SHB: variants seen among roughly 807,000 people sequenced by gnomAD.
SHB encodes the protein SH2 domain-containing adapter protein B.
A neutral mutation model predicts 52.3 loss-of-function variants in SHB; 20 were observed. The ratio of observed to expected loss-of-function variants is 0.38; its 90% CI spans 0.27 to 0.56. The LOEUF is 0.56. Among genes scored for constraint, SHB ranks in the 20% least tolerant of loss-of-function variants. The pLI is 0.71. For synonymous variants in SHB, 397 were observed against 316.5 expected (o/e 1.25, Z -2.70); for missense variants, 825 against 723.3 (o/e 1.14, Z -1.61).
At chr9:38,003,629 G>A (rs1360331943) in intron 2 of SHB, among the ~76,000 whole-genome samples, 1 of 152,150 alleles carries the variant, frequency 6.6e-6, no homozygotes, top group Non-Finnish European at 1.5e-5. Flanking sequence ...ACCCTCCAGA[G>A]CTTCACCCTG....
intron 1 of SHB, among the ~76,000 whole-genome samples, chr9:38,037,855 G>T (rs3763638): frequency 0.48 from 73,300 of 151,916 alleles, 17,776 homozygotes; most frequent in Middle Eastern, 0.57. Flanking sequence ...CTCATTGGGG[G>T]ATAGCCACAG....
chr9:37,961,313 G>A (rs1832689873), intron 3 of SHB, among the ~76,000 whole-genome samples: 1 of 152,194 alleles, frequency 6.6e-6, no homozygotes, highest in Non-Finnish European at 1.5e-5. Flanking sequence ...GAAGTTTCAT[G>A]TGGAGAAGGT....
chr9:38,053,417 T>C (rs1343510201), intron 1 of SHB, among the ~76,000 whole-genome samples: 1 of 152,056 alleles, frequency 6.6e-6, no homozygotes, highest in Admixed American at 6.5e-5. Flanking sequence ...TTTTGTATTT[T>C]CAGTAGAGAT....
chr9:37,972,842 T>C (rs1820607487), intron 3 of SHB, among the ~76,000 whole-genome samples: 1 of 152,176 alleles, frequency 6.6e-6, no homozygotes, highest in African/African-American at 2.4e-5. Flanking sequence ...GGCCTCACTG[T>C]TCGGGGTTAG....
At chr9:38,004,862 T>C (rs56884355) in intron 2 of SHB, among the ~76,000 whole-genome samples, 65,563 of 152,142 alleles carry the variant, frequency 0.43, 14,494 homozygotes, top group Middle Eastern at 0.5. Flanking sequence ...CACTGCCCCA[T>C]TGGCCAGGGC....
chr9:37,944,239 T>A (rs1030757865), intron 5 of SHB, among the ~76,000 whole-genome samples: 3 of 152,066 alleles, frequency 2.0e-5, no homozygotes, highest in African/African-American at 7.2e-5. Context: ...GGCGCCACTG[T>A]GGGTCACTGC....
intron 5 of SHB, among the ~76,000 whole-genome samples, chr9:37,929,782 A>AC (rs1832292729): frequency 2.6e-5 from 4 of 152,220 alleles, no homozygotes; most frequent in Admixed American, 2.0e-4. Flanking sequence ...TCTCTAAGGC[A>AC]CACTGTTGCA....
In SHB at chr9:37,939,283, G is replaced by A. The variant is rs543378083; in HGVS notation, c.1346+9352C>T. Among the ~76,000 whole-genome samples, 14 of 152,332 alleles carry A rather than the reference G, an allele frequency of 9.2e-5. 2 individuals carry two copies. The highest frequency in any genetic ancestry group is 9.2e-4 in the Admixed American group (14 of 15,292). Reference sequence around the variant, plus strand: ...ACTTCTAAGCTTAGCTGGAGCAAATGGCTGAGAAGGGTCAGGAAAGAACAG... The same window carrying A: ...ACTTCTAAGCTTAGCTGGAGCAAATAGCTGAGAAGGGTCAGGAAAGAACAG... On this transcript the variant is annotated intron_variant, in intron 5 of 5. Coordinates refer to ENST00000377707, the MANE Select transcript of SHB (RefSeq NM_003028.3).
At chr9:37,920,979 C>A (rs1832173622) in intron 5 of SHB, among the ~76,000 whole-genome samples, 1 of 152,084 alleles carries the variant, frequency 6.6e-6, no homozygotes, top group African/African-American at 2.4e-5. Flanking sequence ...AAGCCACAGT[C>A]CTCCCACCAG....
intron 4 of SHB, 35 bp downstream of exon 4, chr9:37,955,848 G>A (rs1832624256): frequency 6.3e-7 from 1 of 1,594,800 alleles, no homozygotes; most frequent in South Asian, 1.1e-5. Flanking sequence ...AGGTGAACTG[G>A]GAGGTGAGGT....
intron 2 of SHB, among the ~76,000 whole-genome samples, chr9:38,007,376 C>T (rs1434547572): frequency 6.6e-6 from 1 of 152,212 alleles, no homozygotes; most frequent in African/African-American, 2.4e-5. Context: ...CCTTCCTTCA[C>T]GGAGCTCTCG....
At chr9:38,067,835 A>T (rs1384273807) in intron 1 of SHB, 94 bp downstream of exon 1, 1 of 1,295,562 alleles carries the variant, frequency 7.7e-7, no homozygotes, top group Non-Finnish European at 1.0e-6. Context: ...GCCGAAGCTG[A>T]AGTAGAGACT....
intron 2 of SHB, among the ~76,000 whole-genome samples, chr9:38,004,143 A>G (rs1277830313): frequency 6.6e-6 from 1 of 152,078 alleles, no homozygotes; most frequent in Non-Finnish European, 1.5e-5. Flanking sequence ...CAGGTTTCTT[A>G]CTGGAAAATG....
rs1385454574 is a variant in SHB, at chr9:38,015,540, G to A, written c.838+471C>T. On this transcript the variant is annotated intron_variant, in intron 2 of 5. Coordinates refer to ENST00000377707, the MANE Select transcript of SHB (RefSeq NM_003028.3). ...CAGCTCCAAAACAAAGATTTCTCGG[G>A]ATGCGGCCAGAAATAATTTTGTCTC... 4 of 693,988 alleles carry A rather than the reference G, an allele frequency of 5.8e-6. No homozygotes were observed. The African/African-American group carries it at 7.0e-5, about 12-fold the overall frequency. The allele number at this position is 693,988 out of a possible 1,614,324, so 43.0% of individuals were successfully genotyped here.
intron 1 of SHB, among the ~76,000 whole-genome samples, chr9:38,048,570 G>A (rs1486178214): frequency 1.3e-5 from 2 of 152,140 alleles, no homozygotes; most frequent in African/African-American, 4.8e-5. Flanking sequence ...TGAGGTGGAG[G>A]TTGCTGTGAG....
At chr9:38,047,751 T>C (rs757140966) in intron 1 of SHB, among the ~76,000 whole-genome samples, 6 of 152,226 alleles carry the variant, frequency 3.9e-5, no homozygotes, top group Non-Finnish European at 8.8e-5. Flanking sequence ...CACTTTGTCC[T>C]TTCTCCTTTC....
intron 1 of SHB, 103 bp from the exon 2 acceptor site, chr9:38,016,234 C>A: frequency 4.6e-6 from 6 of 1,291,254 alleles, no homozygotes; most frequent in Non-Finnish European, 1.1e-6. Flanking sequence ...CAAGGAGAGG[C>A]AGGGGAGGCA....
At chr9:37,956,128 A>AT (rs1832629929) in intron 3 of SHB, 74 bp from the exon 4 acceptor site, 6 of 1,393,134 alleles carry the variant, frequency 4.3e-6, no homozygotes, top group Admixed American at 4.2e-5. Context: ...CAGAAGGGTA[A>AT]CGTTCAGCTG....
intron 1 of SHB, among the ~76,000 whole-genome samples, chr9:38,038,118 C>T (rs752371825): frequency 6.6e-6 from 1 of 152,140 alleles, no homozygotes; most frequent in African/African-American, 2.4e-5. Context: ...TCTGGCTGTC[C>T]GGCTCTGCCC....
Sources: gnomAD v4.1 joint callset for allele counts (sites outside exome capture counted in the v4.1 genomes callset) on GRCh38, gnomAD v4.1.1 for gene constraint, MANE v1.5 for transcripts, NCBI Gene and HGNC (gene_info 2026-07-23, HGNC 2026-07-21) for gene names.